Variants in HYDIN observed in about 807,000 individuals in gnomAD.
HYDIN encodes HYDIN axonemal central pair apparatus protein, also known as axonemal central pair apparatus protein HYDIN.
In HYDIN, 132 loss-of-function variants were observed where a neutral mutation model predicts 403.9. That is an observed-to-expected ratio of 0.33 (90% confidence interval 0.28 to 0.38). The LOEUF is 0.38. HYDIN is among the 10% of genes least tolerant of loss of function. The pLI is 1.00. For synonymous variants in HYDIN, 1,202 were observed against 1,891.7 expected, an observed-to-expected ratio of 0.64 and a Z score of 9.46; for missense variants, 2,827 against 5,009.5, an observed-to-expected ratio of 0.56 and a Z score of 13.15.
rs531745308 is a variant in HYDIN, at chr16:70,926,551, G to C, written c.7159-5334C>G. ...GGGTGCAGCACACCAGCATGGCACA[G>C]GTATACATATGTAACTAACCTGCAC... On this transcript the variant is annotated intron_variant, in intron 45 of 85. Coordinates refer to ENST00000393567, the MANE Select transcript of HYDIN (RefSeq NM_001270974.2). Among the ~76,000 whole-genome samples the C allele has an allele frequency of 5.9e-5, 9 of 151,714 alleles. No individual in the cohort carries two copies. In the South Asian group the frequency reaches 1.7e-3, roughly 28 times the overall value.
At chr16:71,230,458 CG>C in intron 1 of HYDIN, 103 bp downstream of exon 1, 1 of 1,350,118 alleles carries the variant, frequency 7.4e-7, no homozygotes, top group Non-Finnish European at 9.8e-7. Context: ...GTCTGGAGAA[CG>C]CCTGGGACGC....
At chr16:71,093,385 G>C (rs1348815607) in intron 11 of HYDIN, among the ~76,000 whole-genome samples, 3 of 151,776 alleles carry the variant, frequency 2.0e-5, no homozygotes, top group Admixed American at 1.3e-4. Flanking sequence ...AGTGCATTAA[G>C]AGAAAATTCT....
At position 70,892,258 on chromosome 16, in the gene HYDIN, C is replaced by T. The variant is rs539415027; in HGVS notation, c.9417+103G>A. Reference sequence around the variant, plus strand: ...CTGGTTGCCACCCAGGCCAGCCCTCCCCTTTTCTCCCTGGAGCATGGATTA... The same window carrying T: ...CTGGTTGCCACCCAGGCCAGCCCTCTCCTTTTCTCCCTGGAGCATGGATTA... On this transcript the variant is annotated intron_variant, in intron 56 of 85. Coordinates refer to ENST00000393567, the MANE Select transcript of HYDIN (RefSeq NM_001270974.2). The T allele has an allele frequency of 4.0e-4, 574 of 1,445,746 alleles. 2 individuals carry two copies. The African/African-American group carries it at 6.7e-3, about 17-fold the overall frequency. 89.6% of individuals were successfully genotyped at this position (1,445,746 alleles called of 1,614,324 possible). A position where few individuals can be genotyped will look rare whatever the true frequency, so the allele number is the denominator to read the frequency against.
At chr16:70,940,781 T>A (rs375909986) in intron 43 of HYDIN, among the ~76,000 whole-genome samples, 4 of 152,314 alleles carry the variant, frequency 2.6e-5, no homozygotes, top group African/African-American at 9.6e-5. Flanking sequence ...TTGTAAGTAT[T>A]TCCTTAATTG....
intron 75 of HYDIN, among the ~76,000 whole-genome samples, chr16:70,847,831 T>C (rs944999643): frequency 2.0e-5 from 3 of 152,154 alleles, no homozygotes; most frequent in African/African-American, 7.2e-5. Flanking sequence ...TCATTAAATT[T>C]GGGAAGTTTT....
At chr16:71,163,279 C>A (rs1200576702) in intron 5 of HYDIN, among the ~76,000 whole-genome samples, 1 of 152,032 alleles carries the variant, frequency 6.6e-6, no homozygotes, top group East Asian at 1.9e-4. Flanking sequence ...CCCGCCACCA[C>A]GCCCGGCTAA....
At chr16:71,136,789 A>C (rs1008631074) in intron 8 of HYDIN, among the ~76,000 whole-genome samples, 4 of 151,232 alleles carry the variant, frequency 2.6e-5, no homozygotes, top group East Asian at 1.9e-4. Context: ...AACAAAAAAA[A>C]CAAAAAAAAA....
At chr16:70,921,675 T>C (rs2076999292) in intron 45 of HYDIN, among the ~76,000 whole-genome samples, 1 of 152,130 alleles carries the variant, frequency 6.6e-6, no homozygotes, top group African/African-American at 2.4e-5. Context: ...ATAACGGAGA[T>C]AGCAACATTA....
intron 1 of HYDIN, among the ~76,000 whole-genome samples, chr16:71,202,074 T>C (rs182896708): frequency 6.6e-6 from 1 of 152,364 alleles, no homozygotes; most frequent in Non-Finnish European, 1.5e-5. Flanking sequence ...TTCTATCTTA[T>C]ATGCCTTTGA....
intron 1 of HYDIN, among the ~76,000 whole-genome samples, chr16:71,226,508 T>G (rs1321440070): frequency 6.6e-6 from 1 of 152,212 alleles, no homozygotes; most frequent in Non-Finnish European, 1.5e-5. Context: ...GAAAATCTTG[T>G]TACCTTGTGT....
At chr16:70,863,671 T>C (rs2143626151) in intron 67 of HYDIN, among the ~76,000 whole-genome samples, 1 of 152,158 alleles carries the variant, frequency 6.6e-6, no homozygotes. Context: ...AGGCCAAGAA[T>C]TTGAGACCAG....
chr16:70,966,262 T>C (rs941926359), intron 36 of HYDIN, among the ~76,000 whole-genome samples: 16 of 152,170 alleles, frequency 1.1e-4, no homozygotes, highest in African/African-American at 3.4e-4. Context: ...TAGATTGTGC[T>C]TTCCACAGAG....
intron 85 of HYDIN, among the ~76,000 whole-genome samples, chr16:70,808,480 C>A (rs562854678): frequency 1.3e-5 from 2 of 152,084 alleles, no homozygotes; most frequent in African/African-American, 4.8e-5. Context: ...CCTTTCATTG[C>A]CAATTTAACT....
intron 35 of HYDIN, among the ~76,000 whole-genome samples, chr16:70,972,995 A>G (rs909457802): frequency 1.3e-5 from 2 of 152,242 alleles, no homozygotes; most frequent in Non-Finnish European, 2.9e-5. Context: ...CAGAATTTCA[A>G]TAAGGACTTC....
intron 7 of HYDIN, among the ~76,000 whole-genome samples, chr16:71,139,378 C>T (rs1321018091): frequency 6.6e-6 from 1 of 151,992 alleles, no homozygotes; most frequent in Non-Finnish European, 1.5e-5. Flanking sequence ...AATAAAACTC[C>T]ATGTGTTGGA....
chr16:71,175,786 CAG>C, intron 4 of HYDIN, 45 bp from the exon 5 acceptor site: 1 of 1,600,616 alleles, frequency 6.2e-7, no homozygotes, highest in Non-Finnish European at 8.6e-7. Context: ...TGTGAAAAAG[CAG>C]AGTTAAACAC....
chr16:71,070,224 T>A (rs1207982255), intron 13 of HYDIN, among the ~76,000 whole-genome samples: 8 of 152,198 alleles, frequency 5.3e-5, no homozygotes, highest in Admixed American at 3.9e-4. Context: ...AGCAATACAC[T>A]AAGCTCTGAT....
intron 1 of HYDIN, among the ~76,000 whole-genome samples, chr16:71,198,073 A>G (rs187524471): frequency 1.6e-4 from 25 of 152,312 alleles, no homozygotes; most frequent in Middle Eastern, 3.4e-3. Flanking sequence ...TGACTTAAGC[A>G]TGCATCCCTT....
chr16:70,814,928 TGTGA>T (rs2035739537), intron 84 of HYDIN, among the ~76,000 whole-genome samples: 2 of 146,792 alleles, frequency 1.4e-5, no homozygotes, highest in African/African-American at 5.0e-5. Context: ...AAAAAGTGAA[TGTGA>T]GTGAGTAACA....
Sources: gnomAD v4.1 joint callset for allele counts (sites outside exome capture counted in the v4.1 genomes callset) on GRCh38, gnomAD v4.1.1 for gene constraint, MANE v1.5 for transcripts, NCBI Gene and HGNC (gene_info 2026-07-23, HGNC 2026-07-21) for gene names.